SLC16A4: variants seen among roughly 807,000 people sequenced by gnomAD.
SLC16A4 encodes probable monocarboxylate transporter 5.
A neutral mutation model predicts 47.9 loss-of-function variants in SLC16A4; 39 were observed. The ratio of observed to expected loss-of-function variants is 0.81; its 90% CI spans 0.63 to 1.06. The LOEUF is 1.06. Among genes scored for constraint, SLC16A4 ranks in the 50% least tolerant of loss-of-function variants. SLC16A4 has a pLI of 0.00. For synonymous variants in SLC16A4, 189 were observed against 199.9 expected, an observed-to-expected ratio of 0.95 and a Z score of 0.46; for missense variants, 524 against 573.8, an observed-to-expected ratio of 0.91 and a Z score of 0.89.
At chr1:110,379,911 T>A (rs1056861068) in intron 5 of SLC16A4, 2 of 151,194 alleles carry the variant, frequency 1.3e-5, no homozygotes, top group African/African-American at 4.9e-5. Flanking sequence ...ACAAAAAAAT[T>A]AATTGATGTG....
At position 110,375,465 on chromosome 1, in the gene SLC16A4, AGGT is replaced by A; in HGVS notation, c.1326_1328del (p.Pro443del). On this transcript the variant is annotated inframe_deletion, in exon 8 of 9. Coordinates refer to ENST00000369779, the MANE Select transcript of SLC16A4 (RefSeq NM_004696.3). ...ATGTGGTGAAGGTGTTACCTGCTAT[AGGT>A]GGTCCAGAAAGGACAGCCATCCCAG... 1 of 1,602,380 alleles carries A rather than the reference AGGT, an allele frequency of 6.2e-7. No individual in the cohort carries two copies. The highest frequency in any genetic ancestry group is 8.6e-7 in the Non-Finnish European group (1 of 1,169,280).
chr1:110,378,756 CTT>C (rs1662170318), intron 6 of SLC16A4, 95 bp downstream of exon 6: 1 of 1,468,212 alleles, frequency 6.8e-7, no homozygotes, highest in Non-Finnish European at 9.1e-7. Flanking sequence ...TACAATTCCT[CTT>C]TTGTTTTTCT....
At chr1:110,382,718 C>T (rs1662476441) in intron 3 of SLC16A4, 116 bp downstream of exon 3, 1 of 1,031,672 alleles carries the variant, frequency 9.7e-7, no homozygotes, top group South Asian at 2.7e-5. Flanking sequence ...CGTTACATAT[C>T]AGTAAATGAA....
At chr1:110,390,223 T>A (rs1262373580) in intron 1 of SLC16A4, among the ~76,000 whole-genome samples, 1 of 152,142 alleles carries the variant, frequency 6.6e-6, no homozygotes, top group Non-Finnish European at 1.5e-5. Context: ...CTGTACTCAG[T>A]GTCCCTCCCC....
At chr1:110,365,980 A>T (rs1661355302) in intron 8 of SLC16A4, among the ~76,000 whole-genome samples, 2 of 151,730 alleles carry the variant, frequency 1.3e-5, no homozygotes, top group African/African-American at 4.8e-5. Context: ...TCTTGTAGAG[A>T]CTGGATCTAA....
intron 2 of SLC16A4, among the ~76,000 whole-genome samples, chr1:110,386,511 ATTTTCT>A (rs1462132834): frequency 1.3e-5 from 2 of 151,922 alleles, no homozygotes; most frequent in Non-Finnish European, 2.9e-5. Context: ...CAGTCCCCTC[ATTTTCT>A]TTTTGTTTTT....
At chr1:110,365,969 T>G (rs1279105647) in intron 8 of SLC16A4, among the ~76,000 whole-genome samples, 1 of 152,020 alleles carries the variant, frequency 6.6e-6, no homozygotes. Context: ...TTTTTAAAAT[T>G]TCTTGTAGAG....
intron 2 of SLC16A4, among the ~76,000 whole-genome samples, chr1:110,388,046 A>T (rs958349128): frequency 6.6e-6 from 1 of 152,110 alleles, no homozygotes; most frequent in Non-Finnish European, 1.5e-5. Context: ...GACCTGTGCT[A>T]CCTTTCCCCG....
At chr1:110,368,367 C>CT (rs529483714) in intron 8 of SLC16A4, among the ~76,000 whole-genome samples, 290 of 152,294 alleles carry the variant, frequency 1.9e-3, no homozygotes, top group African/African-American at 6.7e-3. Context: ...AGCCAGCACT[C>CT]TGAGGAATAA....
At chr1:110,389,409 T>C (rs1662909490) in intron 1 of SLC16A4, 54 bp from the exon 2 acceptor site, 1 of 1,077,218 alleles carries the variant, frequency 9.3e-7, no homozygotes, top group Non-Finnish European at 1.4e-6. Context: ...ATCTAAACTT[T>C]TAAACTTTTT....
intron 6 of SLC16A4, among the ~76,000 whole-genome samples, chr1:110,377,979 G>C (rs979858398): frequency 2.6e-5 from 4 of 151,984 alleles, no homozygotes; most frequent in Admixed American, 1.3e-4. Context: ...ACAGGCGCCC[G>C]CAACCACGCC....
intron 7 of SLC16A4, among the ~76,000 whole-genome samples, chr1:110,376,681 T>C (rs1175420794): frequency 6.6e-6 from 1 of 152,156 alleles, no homozygotes; most frequent in Non-Finnish European, 1.5e-5. Flanking sequence ...ACAATCCTAA[T>C]CTAGGAGACT....
intron 2 of SLC16A4, 41 bp downstream of exon 2, chr1:110,389,196 C>T (rs1662889834): frequency 6.6e-7 from 1 of 1,519,834 alleles, no homozygotes; most frequent in Non-Finnish European, 9.1e-7. Context: ...AGAAAGCCTG[C>T]TTTTAGGCAA....
intron 2 of SLC16A4, 123 bp from the exon 3 acceptor site, chr1:110,383,089 G>A (rs1662512471): frequency 1.2e-6 from 1 of 819,836 alleles, no homozygotes; most frequent in South Asian, 2.4e-5. Context: ...CTTATTGGTT[G>A]AGCCTCATTA....
At chr1:110,390,336 A>G (rs915986772) in intron 1 of SLC16A4, among the ~76,000 whole-genome samples, 2 of 152,238 alleles carry the variant, frequency 1.3e-5, no homozygotes, top group African/African-American at 4.8e-5. Flanking sequence ...CCTTGAGTTT[A>G]GGAATTCTCC....
rs146828762 is a variant in SLC16A4, at chr1:110,365,719, T to C, written c.1337-1826A>G. ...CTCCCATCCCTTGTCATTCTTGCCT[T>C]AGTCCTGCCAACACAGCAAATGTAT... On this transcript the variant is annotated intron_variant, in intron 8 of 8. Coordinates refer to ENST00000369779, the MANE Select transcript of SLC16A4 (RefSeq NM_004696.3). Among the ~76,000 whole-genome samples, 917 of 152,308 alleles carry C rather than the reference T, an allele frequency of 6.0e-3. 9 individuals carry two copies. Among genetic ancestry groups the C allele is most frequent in the African/African-American group, 0.02 (811 of 41,566 alleles).
At chr1:110,388,152 A>G (rs1476954550) in intron 2 of SLC16A4, among the ~76,000 whole-genome samples, 1 of 152,122 alleles carries the variant, frequency 6.6e-6, no homozygotes, top group Non-Finnish European at 1.5e-5. Context: ...AACTCTGGAA[A>G]CACTTAAGAA....
At chr1:110,367,319 C>T (rs1440497691) in intron 8 of SLC16A4, among the ~76,000 whole-genome samples, 3 of 152,038 alleles carry the variant, frequency 2.0e-5, no homozygotes, top group Non-Finnish European at 4.4e-5. Flanking sequence ...TGTGGTGAGA[C>T]CCTATCTCTA....
intron 8 of SLC16A4, 91 bp from the exon 9 acceptor site, chr1:110,363,984 T>A: frequency 7.3e-7 from 1 of 1,376,188 alleles, no homozygotes; most frequent in Non-Finnish European, 9.7e-7. Context: ...AGGAGCCTCC[T>A]GTATTGTGAC....
Sources: allele counts gnomAD v4.1 joint callset (sites outside exome capture counted in the v4.1 genomes callset), GRCh38; gene constraint gnomAD v4.1.1; transcripts MANE v1.5; gene names NCBI Gene and HGNC (gene_info 2026-07-23, HGNC 2026-07-21).